The following RNASEH1 variants were observed in gnomAD, a reference collection of about 807,000 sequenced individuals.
The protein encoded by RNASEH1 is ribonuclease H type II.
A neutral mutation model predicts 34.6 loss-of-function variants in RNASEH1; 27 were observed. The observed-to-expected ratio is 0.78, with a 90% CI of 0.58 to 1.08. The LOEUF (loss-of-function observed/expected upper bound fraction) is 1.08. Ranked by LOEUF, RNASEH1 falls within the 50% of genes least tolerant of loss-of-function variation. The pLI is 0.00. For synonymous variants in RNASEH1, 162 were observed against 138.4 expected (o/e 1.17, Z -1.20); for missense variants, 349 against 373.6 (o/e 0.93, Z 0.54).
chr2:3,550,191 C>A, intron 4 of RNASEH1, 182 bp downstream of exon 4: 3 of 558,062 alleles, frequency 5.4e-6, no homozygotes, highest in South Asian at 4.2e-5. Flanking sequence ...AGCTGAGGTA[C>A]CTCACGTTCT....
chr2:3,554,350 T>C (rs890122190), intron 2 of RNASEH1, among the ~76,000 whole-genome samples: 10 of 152,096 alleles, frequency 6.6e-5, no homozygotes, highest in Non-Finnish European at 1.5e-4. Context: ...ATGGACACTT[T>C]ACAGAACAGA....
Position 3,558,329 on chromosome 2 carries a change from A to C in RNASEH1, c.-69T>G. The C allele has an allele frequency of 6.9e-7, 1 of 1,452,536 alleles. No individual in the cohort carries two copies. Among genetic ancestry groups the C allele is most frequent in the Non-Finnish European group, 9.1e-7 (1 of 1,104,510 alleles). The allele number at this position is 1,452,536 out of a possible 1,614,324, so 90.0% of individuals were successfully genotyped here. A position where few individuals can be genotyped will look rare whatever the true frequency, so the allele number is the denominator to read the frequency against. Reference sequence around the variant, plus strand: ...CGTGGGCGCGAGCCGCCGGCGCTCAACACCGCACTTCCGTCACCGGCGCGG... The same window carrying C: ...CGTGGGCGCGAGCCGCCGGCGCTCACCACCGCACTTCCGTCACCGGCGCGG... On this transcript the variant is annotated 5_prime_UTR_variant, in exon 1 of 8. Transcript: ENST00000315212.
chr2:3,549,742 C>A (rs369560652), intron 4 of RNASEH1, among the ~76,000 whole-genome samples: 72 of 151,848 alleles, frequency 4.7e-4, no homozygotes, highest in African/African-American at 1.7e-3. Flanking sequence ...GTCAGAAGAT[C>A]GAGACCATCC....
chr2:3,532,996 G>C, the RNASEH1 span: 2 of 152,202 alleles, frequency 1.3e-5, no homozygotes, highest in African/African-American at 4.8e-5. Context: ...CAGAGAAGCC[G>C]ATCGTGCTGC....
At chr2:3,551,683 A>G (rs927575904) in intron 3 of RNASEH1, among the ~76,000 whole-genome samples, 8 of 152,236 alleles carry the variant, frequency 5.3e-5, no homozygotes, top group African/African-American at 1.9e-4. Context: ...CACTAAATAC[A>G]TAACTGATTC....
chr2:3,551,793 CT>C (rs1252844250), intron 3 of RNASEH1, among the ~76,000 whole-genome samples: 3 of 152,126 alleles, frequency 2.0e-5, no homozygotes, highest in African/African-American at 4.8e-5. Flanking sequence ...GGTTAAAATG[CT>C]GGTGCTAATC....
the RNASEH1 span, chr2:3,533,473 G>A: frequency 6.6e-6 from 1 of 152,276 alleles, no homozygotes; most frequent in African/African-American, 2.4e-5. Context: ...GCCCTCCTGG[G>A]CTGCTACGAG....
chr2:3,556,096 C>T lies in RNASEH1; in HGVS notation c.244+693G>A, dbSNP rs180973250. Among the ~76,000 whole-genome samples, 702 of 151,984 alleles carry T rather than the reference C, an allele frequency of 4.6e-3. 5 individuals carry two copies. The highest frequency in any genetic ancestry group is 6.3e-3 in the Non-Finnish European group (431 of 67,980). On this transcript the variant is annotated intron_variant, in intron 2 of 7. Coordinates refer to ENST00000315212, the MANE Select transcript of RNASEH1 (RefSeq NM_002936.6). ...AGCTGAAGCAGGAGAATCGCTTGAACGCAGGAGGCAGAGACTGCAGTGAGC... is the reference window on the plus strand; with the variant it reads ...AGCTGAAGCAGGAGAATCGCTTGAATGCAGGAGGCAGAGACTGCAGTGAGC...
In RNASEH1 at chr2:3,541,858, A is replaced by G. The variant is rs1446392733; in HGVS notation, c.*3927T>C. ...GTTACACCTCAACAGAGCTGTTTTA[A>G]AAAGCAAGGTGGGGCCGGCTTTGGT... On this transcript the variant is annotated 3_prime_UTR_variant, in exon 8 of 8. Coordinates refer to ENST00000315212, the MANE Select transcript of RNASEH1 (RefSeq NM_002936.6). Among the ~76,000 whole-genome samples, 2 of 152,162 alleles carry G rather than the reference A, an allele frequency of 1.3e-5. No individual in the cohort carries two copies. The highest frequency in any genetic ancestry group is 4.8e-5 in the African/African-American group (2 of 41,442).
chr2:3,548,123 A>C lies in RNASEH1; in HGVS notation c.650-68T>G. ...CTGCCTTTTTCACCTCCTTAGTCTTACCTCTTATAATTGATCCCACTTGTA... is the reference window on the plus strand; with the variant it reads ...CTGCCTTTTTCACCTCCTTAGTCTTCCCTCTTATAATTGATCCCACTTGTA... On this transcript the variant is annotated intron_variant, in intron 6 of 7. Transcript: ENST00000315212. The C allele has an allele frequency of 2.6e-6, 4 of 1,562,782 alleles. No individual in the cohort carries two copies. The South Asian group carries it at 4.5e-5, about 18-fold the overall frequency.
chr2:3,540,743 A>C (rs1257473813), downstream of RNASEH1, among the ~76,000 whole-genome samples: 2 of 152,090 alleles, frequency 1.3e-5, no homozygotes, highest in African/African-American at 2.4e-5. Context: ...ACAGACCGTA[A>C]AGTTTCTAAA....
rs769311267 is a variant in RNASEH1, at chr2:3,552,274, C to T, written c.279G>A (p.Ala93=). ...GCTCACGGAGTCGCTTGCTGGCTTT[C>T]GCCTCCGATTCTTGTCCATGTTGAT... ...HENQHGQESE[A]KASKRLREPL... is the part of the protein sequence containing the mutation. The change falls in exon 3 of 8, where the codon GCG becomes GCA. Residue 93 remains alanine (A), a synonymous_variant. Coordinates refer to ENST00000315212, the MANE Select transcript of RNASEH1 (RefSeq NM_002936.6). 2.0e-5 allele frequency: 33 copies of T among 1,612,766 alleles called. No individual in the cohort carries two copies. The highest frequency in any genetic ancestry group is 2.6e-5 in the Non-Finnish European group (31 of 1,179,470).
chr2:3,555,746 C>G (rs1159155473), intron 2 of RNASEH1, among the ~76,000 whole-genome samples: 1 of 94,082 alleles, frequency 1.1e-5, no homozygotes, highest in Non-Finnish European at 2.3e-5. Flanking sequence ...TTTTTAAAAT[C>G]TTGCGCTCTA....
In RNASEH1 at chr2:3,545,692, T is replaced by C; in HGVS notation, c.*93A>G. 3 of 823,882 alleles carry C rather than the reference T, an allele frequency of 3.6e-6. No homozygotes were observed. The South Asian group carries it at 4.0e-5, about 11-fold the overall frequency. 51.0% of individuals were successfully genotyped at this position (823,882 alleles called of 1,614,324 possible). A position where few individuals can be genotyped will look rare whatever the true frequency, so the allele number is the denominator to read the frequency against. Reference sequence around the variant, plus strand: ...AAGACGCATCTGCCCATCACTGCAATGGTCCTACCTGCAGGCTATTTTCCA... The same window carrying C: ...AAGACGCATCTGCCCATCACTGCAACGGTCCTACCTGCAGGCTATTTTCCA... On this transcript the variant is annotated 3_prime_UTR_variant, in exon 8 of 8. Coordinates refer to ENST00000315212, the MANE Select transcript of RNASEH1 (RefSeq NM_002936.6).
At chr2:3,537,889 T>C (rs1429493125), downstream of RNASEH1, among the ~76,000 whole-genome samples, 5 of 151,026 alleles carry the variant, frequency 3.3e-5, no homozygotes, top group Non-Finnish European at 7.4e-5. Context: ...AATACAAAAT[T>C]AGCTGGGCAT....
At position 3,558,186 on chromosome 2, in the gene RNASEH1, G is replaced by A. The variant is rs755440789; in HGVS notation, c.75C>T (p.Phe25=). The A allele has an allele frequency of 1.2e-6, 2 of 1,602,084 alleles. No individual in the cohort carries two copies. Among genetic ancestry groups the A allele is most frequent in the South Asian group, 1.1e-5 (1 of 89,510 alleles). ...CCCTCCTCACGGCATAGAACATCCC[G>A]AACCCGCGAGAGCCGCGGCGGCAGG... The part of the protein sequence containing the change: ...ALPCRRGSRG[F]GMFYAVRRGR... Residue 25 remains phenylalanine, a synonymous_variant, in exon 1 of 8, where the codon TTC becomes TTT. Transcript: ENST00000315212.
At chr2:3,549,189 A>G in intron 4 of RNASEH1, 77 bp from the exon 5 acceptor site, 2 of 1,049,244 alleles carry the variant, frequency 1.9e-6, no homozygotes, top group Non-Finnish European at 3.0e-6. Flanking sequence ...GGATAACGAT[A>G]AACTAGTGTG....
At chr2:3,558,053 C>A in intron 1 of RNASEH1, 80 bp downstream of exon 1, 8 of 1,486,476 alleles carry the variant, frequency 5.4e-6, no homozygotes, top group Non-Finnish European at 7.1e-6. Context: ...GCCAGGCTCC[C>A]GCCGCCGGGG....
chr2:3,532,016 A>T, the RNASEH1 span: 1 of 530,298 alleles, frequency 1.9e-6, no homozygotes, highest in Admixed American at 3.2e-5. Flanking sequence ...GGTTTATTCC[A>T]TTTGGCCAAA....
Sources: allele counts gnomAD v4.1 joint callset (sites outside exome capture counted in the v4.1 genomes callset), GRCh38; gene constraint gnomAD v4.1.1; transcripts MANE v1.5; gene names NCBI Gene and HGNC (gene_info 2026-07-23, HGNC 2026-07-21).